Variants in RAB21 observed in about 807,000 individuals in gnomAD.
The protein encoded by RAB21 is ras-related protein Rab-21.
RAB21 carries 13 observed loss-of-function variants against 33.1 expected under a neutral mutation model. The observed-to-expected ratio is 0.39, with a 90% CI of 0.26 to 0.62. The LOEUF is 0.62. Ranked by LOEUF, RAB21 falls within the 20% of genes least tolerant of loss-of-function variation. RAB21 has a pLI of 0.48. For synonymous variants in RAB21, 91 were observed against 103.7 expected, an observed-to-expected ratio of 0.88 and a Z score of 0.74; for missense variants, 234 against 279.1, an observed-to-expected ratio of 0.84 and a Z score of 1.15.
intron 1 of RAB21, among the ~76,000 whole-genome samples, chr12:71,760,130 C>T (rs1189095094): frequency 6.6e-6 from 1 of 152,186 alleles, no homozygotes; most frequent in African/African-American, 2.4e-5. Flanking sequence ...TTTGAGAACT[C>T]ATGCTGTCTC....
At chr12:71,780,952 C>T (rs924142228) in intron 4 of RAB21, among the ~76,000 whole-genome samples, 1 of 152,104 alleles carries the variant, frequency 6.6e-6, no homozygotes, top group Non-Finnish European at 1.5e-5. Flanking sequence ...TCGTTATCTA[C>T]TGTTTTTATT....
chr12:71,760,643 G>A (rs372528739), intron 1 of RAB21, among the ~76,000 whole-genome samples: 1 of 152,136 alleles, frequency 6.6e-6, no homozygotes, highest in African/African-American at 2.4e-5. Flanking sequence ...TTAAAGGATT[G>A]TGCCATTTTG....
rs1882767073 is a variant in RAB21, at chr12:71,755,284, T to C, written c.155T>C (p.Leu52Pro). 6.6e-7 allele frequency: 1 copy of C among 1,522,168 alleles called. No homozygotes were observed. The highest frequency in any genetic ancestry group is 8.8e-7 in the Non-Finnish European group (1 of 1,138,868). The allele number at this position is 1,522,168 out of a possible 1,614,324, so 94.3% of individuals were successfully genotyped here. The change falls in exon 1 of 7, where the codon CTG (leucine) becomes CCG (proline). Residue 52 changes from leucine (L) to proline (P), a missense_variant. By Grantham distance (98) the Leu-to-Pro change is moderately conservative. Coordinates refer to ENST00000261263, the MANE Select transcript of RAB21 (RefSeq NM_014999.4). ...NKFNDKHITTLQASFLTKKLN... is the reference protein window; with the variant it reads ...NKFNDKHITTPQASFLTKKLN... The stretch of plus-strand genomic sequence containing the variant: ...TTTAACGACAAGCACATCACCACTC[T>C]GCAGGTGCGGACCTCGGGGAGCGGG...
rs539260804 is a variant in RAB21, at chr12:71,797,664, A to G, written c.*11991A>G. On this transcript the variant is annotated 3_prime_UTR_variant, in exon 7 of 7. Coordinates refer to ENST00000261263, the MANE Select transcript of RAB21 (RefSeq NM_014999.4). ...AAGCAAGACTAGCCAGGAAAACTGA[A>G]AAAACAATGAGGAAAGACTGGCCTT... The G allele has an allele frequency of 6.6e-6, 1 of 151,988 alleles. No homozygotes were observed. Among genetic ancestry groups the G allele is most frequent in the East Asian group, 1.9e-4 (1 of 5,180 alleles). 9.4% of individuals were successfully genotyped at this position (151,988 alleles called of 1,614,324 possible).
chr12:71,766,198 A>G (rs1224631406), intron 1 of RAB21, among the ~76,000 whole-genome samples: 1 of 152,182 alleles, frequency 6.6e-6, no homozygotes, highest in Non-Finnish European at 1.5e-5. Flanking sequence ...GTGCTTATCT[A>G]TAATAACAGT....
intron 1 of RAB21, among the ~76,000 whole-genome samples, chr12:71,758,721 C>A (rs1342422836): frequency 6.6e-6 from 1 of 152,086 alleles, no homozygotes; most frequent in Non-Finnish European, 1.5e-5. Context: ...TCAAGCAATC[C>A]TTCTGCTTTG....
chr12:71,757,759 T>G (rs187609067), intron 1 of RAB21, among the ~76,000 whole-genome samples: 16 of 152,350 alleles, frequency 1.1e-4, no homozygotes, highest in African/African-American at 3.6e-4. Flanking sequence ...TCAGAAGATA[T>G]GAGAGGAAGA....
At chr12:71,773,875 T>G in intron 3 of RAB21, 84 bp from the exon 4 acceptor site, 1 of 896,026 alleles carries the variant, frequency 1.1e-6, no homozygotes, top group South Asian at 1.5e-5. Context: ...CTGAGGTATT[T>G]TGACAGTGTT....
Position 71,790,617 on chromosome 12 carries a change from T to C in RAB21, c.*4944T>C, listed in dbSNP as rs886957425. ...ATATTGTCAAAGTGCCCTTTGGTAG[T>C]GCTCCCAAATGGTAGTAACTATTGG... is the stretch of plus-strand genomic sequence containing the variant. On this transcript the variant is annotated 3_prime_UTR_variant, in exon 7 of 7. Coordinates refer to ENST00000261263, the MANE Select transcript of RAB21 (RefSeq NM_014999.4). 2.0e-5 allele frequency: 3 copies of C among 152,186 alleles called. No individual in the cohort carries two copies. The highest frequency in any genetic ancestry group is 2.9e-5 in the Non-Finnish European group (2 of 68,024). The allele number at this position is 152,186 out of a possible 1,614,324, so 9.4% of individuals were successfully genotyped here. A position where few individuals can be genotyped will look rare whatever the true frequency, so the allele number is the denominator to read the frequency against.
chr12:71,782,424 A>G, intron 5 of RAB21, 146 bp from the exon 6 acceptor site: 1 of 557,946 alleles, frequency 1.8e-6, no homozygotes, highest in Non-Finnish European at 3.1e-6. Context: ...GATTTAATGT[A>G]TAGAGAATTT....
At position 71,791,046 on chromosome 12, in the gene RAB21, A is replaced by G. The variant is rs1883375476; in HGVS notation, c.*5373A>G. 6.6e-6 allele frequency: 1 copy of G among 152,038 alleles called. No homozygotes were observed. The highest frequency in any genetic ancestry group is 1.5e-5 in the Non-Finnish European group (1 of 68,012). 9.4% of individuals were successfully genotyped at this position (152,038 alleles called of 1,614,324 possible). ...CACCCAGGCTGGAGTGTGGTGGCTCAGTGATAGTTCACTGCATCCTTGAAC... is the reference window on the plus strand; with the variant it reads ...CACCCAGGCTGGAGTGTGGTGGCTCGGTGATAGTTCACTGCATCCTTGAAC... On this transcript the variant is annotated 3_prime_UTR_variant, in exon 7 of 7. Coordinates refer to ENST00000261263, the MANE Select transcript of RAB21 (RefSeq NM_014999.4).
chr12:71,769,288 G>A (rs1781695396), intron 1 of RAB21, among the ~76,000 whole-genome samples: 2 of 152,002 alleles, frequency 1.3e-5, no homozygotes, highest in South Asian at 4.1e-4. Flanking sequence ...TATTTCTCTA[G>A]TAGAGTATAA....
chr12:71,773,943 T>A lies in RAB21; in HGVS notation c.328-16T>A. 1 of 1,557,628 alleles carries A rather than the reference T, an allele frequency of 6.4e-7. No homozygotes were observed. The highest frequency in any genetic ancestry group is 1.9e-5 in the Admixed American group (1 of 51,840). ...CAACAGGATTTGTTTTAATATGTGC[T>A]CTTTTGTATATACAGGTAAAAAACT... On this transcript the variant is annotated splice_polypyrimidine_tract_variant and intron_variant, in intron 3 of 6. Transcript: ENST00000261263.
At chr12:71,769,678 C>T (rs190661176) in intron 1 of RAB21, 122 bp from the exon 2 acceptor site, 4 of 444,000 alleles carry the variant, frequency 9.0e-6, no homozygotes, top group African/African-American at 6.1e-5. Context: ...TAATTTAAAA[C>T]TCGGTGATTA....
Position 71,786,407 on chromosome 12 carries a change from C to A in RAB21, c.*734C>A, listed in dbSNP as rs79888023. On this transcript the variant is annotated 3_prime_UTR_variant, in exon 7 of 7. Coordinates refer to ENST00000261263, the MANE Select transcript of RAB21 (RefSeq NM_014999.4). ...TGTGGTAGTTGAAATTGTATCACTT[C>A]TAAACAGCAAACTGTTTTTGTTTTT... 4.6e-5 allele frequency: 7 copies of A among 152,552 alleles called. No individual in the cohort carries two copies. The highest frequency in any genetic ancestry group is 7.4e-5 in the Non-Finnish European group (5 of 68,024). The allele number at this position is 152,552 out of a possible 1,614,324, so 9.4% of individuals were successfully genotyped here. A position where few individuals can be genotyped will look rare whatever the true frequency, so the allele number is the denominator to read the frequency against.
At chr12:71,784,271 T>C (rs1041702712) in intron 6 of RAB21, among the ~76,000 whole-genome samples, 2 of 152,188 alleles carry the variant, frequency 1.3e-5, no homozygotes, top group Admixed American at 1.3e-4. Flanking sequence ...TTTTCTTACC[T>C]GTGTCTCTTA....
At chr12:71,780,699 TTCGA>T (rs1883184975) in intron 4 of RAB21, among the ~76,000 whole-genome samples, 1 of 152,212 alleles carries the variant, frequency 6.6e-6, no homozygotes, top group Non-Finnish European at 1.5e-5. Context: ...TCTCAGATTA[TTCGA>T]GGTCCTCAGT....
chr12:71,762,406 C>A (rs1399816143), intron 1 of RAB21, among the ~76,000 whole-genome samples: 3 of 151,972 alleles, frequency 2.0e-5, no homozygotes, highest in Non-Finnish European at 2.9e-5. Context: ...CCCAGGTTCA[C>A]GCCATTCTCC....
intron 1 of RAB21, among the ~76,000 whole-genome samples, chr12:71,756,023 TATC>T (rs1882780422): frequency 6.6e-6 from 1 of 152,212 alleles, no homozygotes; most frequent in Non-Finnish European, 1.5e-5. Flanking sequence ...GTTAAAATGT[TATC>T]ATTGATTGAG....
Sources: gnomAD v4.1 joint callset for allele counts (sites outside exome capture counted in the v4.1 genomes callset) on GRCh38, gnomAD v4.1.1 for gene constraint, MANE v1.5 for transcripts, NCBI Gene and HGNC (gene_info 2026-07-23, HGNC 2026-07-21) for gene names.